RBPMS: variants seen among roughly 807,000 people sequenced by gnomAD.
RBPMS encodes RNA-binding protein with multiple splicing.
A neutral mutation model predicts 26.8 loss-of-function variants in RBPMS; 7 were observed. That is an observed-to-expected ratio of 0.26 (90% confidence interval 0.15 to 0.49). The LOEUF is 0.49. Ranked by LOEUF, RBPMS falls within the 20% of genes least tolerant of loss-of-function variation. The pLI is 0.98. For missense variants in RBPMS, 186 were observed against 250.0 expected (o/e 0.74, Z 1.73); for synonymous variants, 96 against 93.3 (o/e 1.03, Z -0.17).
chr8:30,469,453 T>C (rs1405334526), intron 1 of RBPMS, among the ~76,000 whole-genome samples: 2 of 152,272 alleles, frequency 1.3e-5, no homozygotes, highest in East Asian at 3.8e-4. Context: ...AGAACACTCT[T>C]GCTCTTCTGC....
chr8:30,423,147 C>T (rs1029659671), intron 1 of RBPMS, among the ~76,000 whole-genome samples: 5 of 152,334 alleles, frequency 3.3e-5, no homozygotes, highest in Admixed American at 6.5e-5. Context: ...TTCTGAATCG[C>T]CGTGGGCTTT....
At chr8:30,411,723 C>G (rs1202766943) in intron 1 of RBPMS, among the ~76,000 whole-genome samples, 1 of 149,854 alleles carries the variant, frequency 6.7e-6, no homozygotes, top group Admixed American at 6.7e-5. Flanking sequence ...GTGGCTTATG[C>G]CTGTAATCCC....
chr8:30,555,891 C>T (rs1826844686), intron 6 of RBPMS: 1 of 985,416 alleles, frequency 1.0e-6, no homozygotes, highest in Non-Finnish European at 1.2e-6. Context: ...CAGTGATTAG[C>T]GCGGAGCAGC....
intron 7 of RBPMS, chr8:30,563,959 C>G (rs1827704194): frequency 6.6e-6 from 1 of 152,288 alleles, no homozygotes; most frequent in African/African-American, 2.4e-5. Flanking sequence ...TCCGTCATAC[C>G]TAAGGCTAAT....
intron 5 of RBPMS, among the ~76,000 whole-genome samples, chr8:30,507,015 A>G (rs780863601): frequency 6.0e-4 from 91 of 152,210 alleles, no homozygotes; most frequent in Non-Finnish European, 5.1e-4. Flanking sequence ...TATGAAGGAC[A>G]TATAAGAGAT....
chr8:30,415,766 G>A (rs1020271045), intron 1 of RBPMS, among the ~76,000 whole-genome samples: 5 of 152,150 alleles, frequency 3.3e-5, no homozygotes, highest in African/African-American at 1.2e-4. Flanking sequence ...TCTGCCTTGT[G>A]CGATGTTTGA....
intron 5 of RBPMS, among the ~76,000 whole-genome samples, chr8:30,543,115 C>T (rs1244685044): frequency 2.0e-5 from 3 of 152,116 alleles, no homozygotes; most frequent in African/African-American, 7.2e-5. Context: ...GTATGTTAAA[C>T]CACATTGTTG....
chr8:30,557,568 C>G (rs1827054438), intron 6 of RBPMS, among the ~76,000 whole-genome samples: 2 of 152,210 alleles, frequency 1.3e-5, no homozygotes, highest in Non-Finnish European at 2.9e-5. Flanking sequence ...CTCCCAGACC[C>G]CCCTGCACCT....
At position 30,559,012 on chromosome 8, in the gene RBPMS, G is replaced by A. The variant is rs1827224243; in HGVS notation, c.*7+56G>A. The A allele has an allele frequency of 1.9e-5, 27 of 1,443,148 alleles. No homozygotes were observed. The South Asian group carries it at 2.7e-4, about 15-fold the overall frequency. 89.4% of individuals were successfully genotyped at this position (1,443,148 alleles called of 1,614,324 possible). ...AAGCCCCTAGAACACATCTGTACAT[G>A]GTGGGTGCGCCATGAACGCAGCTCT... On this transcript the variant is annotated intron_variant, in intron 7 of 8. Transcript: ENST00000397323.
At chr8:30,493,044 A>ACGT (rs1819564476) in intron 4 of RBPMS, among the ~76,000 whole-genome samples, 1 of 152,214 alleles carries the variant, frequency 6.6e-6, no homozygotes, top group East Asian at 1.9e-4. Context: ...TGCTTTGTTG[A>ACGT]GGCAAACCCA....
intron 1 of RBPMS, chr8:30,442,601 G>T (rs544133928): frequency 1.3e-5 from 2 of 152,258 alleles, no homozygotes; most frequent in African/African-American, 4.8e-5. Context: ...AGTCCTCCAG[G>T]GATCCGCATC....
At chr8:30,416,461 A>G (rs1351565746) in intron 1 of RBPMS, among the ~76,000 whole-genome samples, 1 of 151,514 alleles carries the variant, frequency 6.6e-6, no homozygotes, top group East Asian at 1.9e-4. Flanking sequence ...CCTCCCTAGT[A>G]ACAGGTGCCC....
intron 6 of RBPMS, among the ~76,000 whole-genome samples, chr8:30,549,751 C>CTT (rs1404808967): frequency 4.9e-5 from 5 of 102,020 alleles, no homozygotes; most frequent in African/African-American, 1.9e-4. Flanking sequence ...TCTTTCTTTC[C>CTT]TTTTCTTTTC....
rs573470687 is a variant in RBPMS at position 30,529,910 on chromosome 8, C to T, written c.398-14584C>T. Among the ~76,000 whole-genome samples, 123 of 152,112 alleles carry T rather than the reference C, an allele frequency of 8.1e-4. 1 individual carries two copies. Among genetic ancestry groups the T allele is most frequent in the Non-Finnish European group, 1.4e-3 (95 of 67,988 alleles). The stretch of plus-strand genomic sequence containing the variant: ...CTGGGATTGCAGGCATGTGTCACCA[C>T]GCCTGGCCAATTTTGTATTTTTTTA... On this transcript the variant is annotated intron_variant, in intron 5 of 8. Coordinates refer to ENST00000397323, the MANE Select transcript of RBPMS (RefSeq NM_001008710.3).
In RBPMS at chr8:30,545,459, A is replaced by G. The variant is rs1825794800; in HGVS notation, c.528+835A>G. 7 of 1,005,956 alleles carry G rather than the reference A, an allele frequency of 7.0e-6. No individual in the cohort carries two copies. In the Admixed American group the frequency reaches 4.0e-4, roughly 58 times the overall value. The allele number at this position is 1,005,956 out of a possible 1,614,324, so 62.3% of individuals were successfully genotyped here. A position where few individuals can be genotyped will look rare whatever the true frequency, so the allele number is the denominator to read the frequency against. ...TGCAAAGATTGATGACCAGTAACAAATAGAAAGTACGTACGTAGGTTTCAT... is the reference window on the plus strand; with the variant it reads ...TGCAAAGATTGATGACCAGTAACAAGTAGAAAGTACGTACGTAGGTTTCAT... On this transcript the variant is annotated intron_variant, in intron 6 of 8. Transcript: ENST00000397323.
chr8:30,545,787 T>C (rs950272802), intron 6 of RBPMS, among the ~76,000 whole-genome samples: 2 of 152,168 alleles, frequency 1.3e-5, no homozygotes, highest in Non-Finnish European at 2.9e-5. Flanking sequence ...TGTGCGTGCA[T>C]TGATGACCCG....
At chr8:30,558,515 TAGAA>T (rs1827167172) in intron 6 of RBPMS, 2 of 360,620 alleles carry the variant, frequency 5.5e-6, no homozygotes, top group South Asian at 2.8e-5. Context: ...ACACTCTGCT[TAGAA>T]AGCCATTAGA....
intron 6 of RBPMS, chr8:30,553,098 T>C (rs1826533558): frequency 6.6e-6 from 1 of 152,260 alleles, no homozygotes; most frequent in Non-Finnish European, 1.5e-5. Context: ...GCCTAGATCA[T>C]AGCGACTTAA....
chr8:30,537,499 T>C (rs1031599094), intron 5 of RBPMS: 2 of 453,696 alleles, frequency 4.4e-6, no homozygotes, highest in South Asian at 3.1e-5. Context: ...AACCCGCATT[T>C]GGGTAATAGA....
Sources: allele counts gnomAD v4.1 joint callset (sites outside exome capture counted in the v4.1 genomes callset), GRCh38; gene constraint gnomAD v4.1.1; transcripts MANE v1.5; gene names NCBI Gene and HGNC (gene_info 2026-07-23, HGNC 2026-07-21).